The following GDPD1 variants were observed in gnomAD, a reference collection of about 807,000 sequenced individuals.
The protein encoded by GDPD1 is glycerophosphodiester phosphodiesterase domain containing 1.
GDPD1 carries 28 observed loss-of-function variants against 45.1 expected under a neutral mutation model. That is an observed-to-expected ratio of 0.62 (90% CI 0.46 to 0.85). The LOEUF is 0.85. GDPD1 is among the 40% of genes least tolerant of loss of function. The pLI is 0.00. For synonymous variants in GDPD1, 139 were observed against 131.4 expected (o/e 1.06, Z -0.40); for missense variants, 256 against 364.8 (o/e 0.70, Z 2.43).
chr17:59,246,705 A>G (rs1447963955), intron 3 of GDPD1, among the ~76,000 whole-genome samples: 1 of 118,716 alleles, frequency 8.4e-6, no homozygotes, highest in Non-Finnish European at 1.8e-5. Flanking sequence ...GCGAGACTCC[A>G]TCTCAAAAAA....
In GDPD1 at chr17:59,248,730, C is replaced by A. The variant is rs1568344418; in HGVS notation, c.322-10C>A. ...GAGTTAACTTTTTTTTCAATCATAT[C>A]TTTTTAAAGGAGCTCCCACCTTACC... On this transcript the variant is annotated splice_polypyrimidine_tract_variant and intron_variant, in intron 3 of 9. Coordinates refer to ENST00000284116, the MANE Select transcript of GDPD1 (RefSeq NM_182569.4). 2.5e-6 allele frequency: 4 copies of A among 1,577,346 alleles called. No homozygotes were observed. The Admixed American group carries it at 7.3e-5, about 29-fold the overall frequency.
chr17:59,250,954 C>G (rs117764297), intron 4 of GDPD1, among the ~76,000 whole-genome samples: 6,902 of 152,202 alleles, frequency 0.045, 238 homozygotes, highest in East Asian at 0.13. Context: ...CCTGACCCCC[C>G]CTTGCCCTCC....
rs115549574 is a variant in GDPD1, at chr17:59,260,540, A to T, written c.576+2700A>T. Reference sequence around the variant, plus strand: ...CTGGGCAAGAGACCGAGACTCTTCTAAAAAAAAAAGTGTATAAAAATTAAT... The same window carrying T: ...CTGGGCAAGAGACCGAGACTCTTCTTAAAAAAAAAGTGTATAAAAATTAAT... On this transcript the variant is annotated intron_variant, in intron 6 of 9. Transcript: ENST00000284116. Among the ~76,000 whole-genome samples the T allele has an allele frequency of 1.0e-4, 15 of 148,684 alleles. No homozygotes were observed. In the East Asian group the frequency reaches 2.9e-3, roughly 29 times the overall value.
intron 2 of GDPD1, among the ~76,000 whole-genome samples, chr17:59,237,075 T>C (rs2047138040): frequency 6.6e-6 from 1 of 152,130 alleles, no homozygotes; most frequent in South Asian, 2.1e-4. Flanking sequence ...TCATACTTGT[T>C]TCATTGAATA....
rs556894369 is a variant in GDPD1, at chr17:59,228,460, G to C, written c.143-6032G>C. ...ATGCCATAATATGATAAATGCCTTAGTAGAGCTATGCATAAGAGACTATGG... is the reference window on the plus strand; with the variant it reads ...ATGCCATAATATGATAAATGCCTTACTAGAGCTATGCATAAGAGACTATGG... On this transcript the variant is annotated intron_variant, in intron 1 of 9. Transcript: ENST00000284116. Among the ~76,000 whole-genome samples the C allele has an allele frequency of 5.3e-5, 8 of 152,284 alleles. No homozygotes were observed. In the South Asian group the frequency reaches 1.7e-3, roughly 32 times the overall value.
chr17:59,233,368 C>T (rs963055339), intron 1 of GDPD1, among the ~76,000 whole-genome samples: 5 of 151,848 alleles, frequency 3.3e-5, no homozygotes, highest in African/African-American at 1.2e-4. Flanking sequence ...AAAAATTAGC[C>T]GGGCGTGGTG....
chr17:59,262,753 G>A (rs2047367589), intron 6 of GDPD1, among the ~76,000 whole-genome samples: 2 of 151,066 alleles, frequency 1.3e-5, no homozygotes, highest in African/African-American at 4.9e-5. Flanking sequence ...TCAGCCTCCC[G>A]AGTAGCTGGG....
Position 59,241,726 on chromosome 17 carries a change from C to T in GDPD1, c.186-3688C>T, listed in dbSNP as rs74444925. ...GGTGGATCACTTGAGTTCAGGAGTT[C>T]GAGACCACTCTGGCCACATGGTGAA... On this transcript the variant is annotated intron_variant, in intron 2 of 9. Coordinates refer to ENST00000284116, the MANE Select transcript of GDPD1 (RefSeq NM_182569.4). Among the ~76,000 whole-genome samples, 6 of 151,894 alleles carry T rather than the reference C, an allele frequency of 4.0e-5. No individual in the cohort carries two copies. In the East Asian group the frequency reaches 9.9e-4, roughly 25 times the overall value.
At chr17:59,225,285 A>G (rs904037182) in intron 1 of GDPD1, among the ~76,000 whole-genome samples, 1 of 151,376 alleles carries the variant, frequency 6.6e-6, no homozygotes, top group Non-Finnish European at 1.5e-5. Context: ...TTGTATTTTT[A>G]GTAGAGATGG....
intron 7 of GDPD1, among the ~76,000 whole-genome samples, chr17:59,268,578 CAAAAAAAAAA>C (rs1176390251): frequency 2.3e-4 from 8 of 35,362 alleles, no homozygotes; most frequent in African/African-American, 5.5e-4. Flanking sequence ...GACTCTGTCT[CAAAAAAAAAA>C]AAAAAAAAAA....
chr17:59,251,250 G>A (rs947035318), intron 4 of GDPD1, among the ~76,000 whole-genome samples: 1 of 152,070 alleles, frequency 6.6e-6, no homozygotes, highest in African/African-American at 2.4e-5. Flanking sequence ...CCAGTGCAGT[G>A]GCTCACGCCT....
At chr17:59,238,290 G>A (rs925919984) in intron 2 of GDPD1, among the ~76,000 whole-genome samples, 5 of 142,258 alleles carry the variant, frequency 3.5e-5, no homozygotes, top group African/African-American at 8.0e-5. Flanking sequence ...AAAAAAAGAA[G>A]TAATTAAAAC....
chr17:59,272,836 A>G lies in GDPD1; in HGVS notation c.822A>G (p.Gln274=). ...ACCACCTAACTGCTCGAGGCATTCAAGTAAGTTTCTGGAATGATGCATTTT... is the reference window on the plus strand; with the variant it reads ...ACCACCTAACTGCTCGAGGCATTCAGGTAAGTTTCTGGAATGATGCATTTT... ...LFDHLTARGI[Q]VYIWVLNEEQ... is the part of the protein sequence containing the mutation. Residue 274 remains glutamine (Q), a splice_region_variant and synonymous_variant, in exon 9 of 10, where the codon CAA becomes CAG. Transcript: ENST00000284116. 1 of 1,614,002 alleles carries G rather than the reference A, an allele frequency of 6.2e-7. No individual in the cohort carries two copies. Among genetic ancestry groups the G allele is most frequent in the East Asian group, 2.2e-5 (1 of 44,870 alleles).
intron 6 of GDPD1, among the ~76,000 whole-genome samples, chr17:59,259,021 G>A (rs970756487): frequency 2.0e-5 from 3 of 151,386 alleles, no homozygotes; most frequent in Non-Finnish European, 4.4e-5. Context: ...AGGAGATCCT[G>A]AGAACATGTG....
chr17:59,265,913 A>G (rs1447743676), intron 6 of GDPD1, among the ~76,000 whole-genome samples: 3 of 151,196 alleles, frequency 2.0e-5, no homozygotes, highest in African/African-American at 7.3e-5. Flanking sequence ...AAAAAAAAAA[A>G]AAAAAAAGGC....
At chr17:59,236,623 A>T (rs1220285866) in intron 2 of GDPD1, among the ~76,000 whole-genome samples, 1 of 152,024 alleles carries the variant, frequency 6.6e-6, no homozygotes, top group Non-Finnish European at 1.5e-5. Context: ...AGCTTCCCGA[A>T]TACCTGGGAT....
In GDPD1 at chr17:59,249,988, T is replaced by C. The variant is rs142007407; in HGVS notation, c.367+1203T>C. On this transcript the variant is annotated intron_variant, in intron 4 of 9. Coordinates refer to ENST00000284116, the MANE Select transcript of GDPD1 (RefSeq NM_182569.4). Reference sequence around the variant, plus strand: ...TCATTTGAGCCCAAGAGTTGGAGTCTAGCTTGGGCTACATAGCAAGACCCT... The same window carrying C: ...TCATTTGAGCCCAAGAGTTGGAGTCCAGCTTGGGCTACATAGCAAGACCCT... Among the ~76,000 whole-genome samples the C allele has an allele frequency of 9.9e-3, 1,505 of 152,094 alleles. 20 individuals carry two copies. Among genetic ancestry groups the C allele is most frequent in the South Asian group, 0.027 (128 of 4,812 alleles).
chr17:59,263,495 T>TTTTTTTTTTTC (rs57916337), intron 6 of GDPD1, among the ~76,000 whole-genome samples: 1 of 145,844 alleles, frequency 6.9e-6, no homozygotes, highest in African/African-American at 2.5e-5. Flanking sequence ...TTTTTTTTTT[T>TTTTTTTTTTTC]GAGACGGAGT....
At chr17:59,256,706 G>C (rs1447935908) in intron 4 of GDPD1, among the ~76,000 whole-genome samples, 2 of 152,150 alleles carry the variant, frequency 1.3e-5, no homozygotes, top group African/African-American at 4.8e-5. Flanking sequence ...TTGTACTATA[G>C]ATTTGCAAGA....
Sources: allele counts gnomAD v4.1 joint callset (sites outside exome capture counted in the v4.1 genomes callset), GRCh38; gene constraint gnomAD v4.1.1; transcripts MANE v1.5; gene names NCBI Gene and HGNC (gene_info 2026-07-23, HGNC 2026-07-21).